The following TAF4B variants were observed in gnomAD, a reference collection of about 807,000 sequenced individuals.
TAF4B encodes TATA-box binding protein associated factor 4b.
In TAF4B, 38 loss-of-function variants were observed where a neutral mutation model predicts 86.4. That is an observed-to-expected ratio of 0.44 (90% CI 0.34 to 0.58). TAF4B has a LOEUF of 0.58. Ranked by LOEUF, TAF4B falls within the 20% of genes least tolerant of loss-of-function variation. The probability of loss-of-function intolerance (pLI) is 0.02; values close to 1 mark genes in which losing one functional copy is unlikely to be tolerated. For synonymous variants in TAF4B, 388 were observed against 391.2 expected (o/e 0.99, Z 0.10); for missense variants, 988 against 1,027.6 (o/e 0.96, Z 0.53).
chr18:26,305,532 C>T (rs1436943503), intron 9 of TAF4B, among the ~76,000 whole-genome samples: 2 of 152,270 alleles, frequency 1.3e-5, no homozygotes, highest in South Asian at 2.1e-4. Context: ...CTCAGCCTCC[C>T]GAGTAGCTGA....
chr18:26,306,697 C>CAT (rs1366674896), intron 9 of TAF4B, among the ~76,000 whole-genome samples: 1 of 152,128 alleles, frequency 6.6e-6, no homozygotes, highest in African/African-American at 2.4e-5. Context: ...TGGCTTTATG[C>CAT]ATATCTTTTC....
At chr18:26,388,292 T>C (rs963408055) in intron 14 of TAF4B, among the ~76,000 whole-genome samples, 1 of 152,256 alleles carries the variant, frequency 6.6e-6, no homozygotes, top group African/African-American at 2.4e-5. Context: ...GGTAAACATA[T>C]TCAGAAAACT....
intron 7 of TAF4B, among the ~76,000 whole-genome samples, chr18:26,291,520 A>G (rs1208585009): frequency 2.0e-5 from 3 of 152,046 alleles, no homozygotes; most frequent in Non-Finnish European, 4.4e-5. Flanking sequence ...CAGCCTGGCC[A>G]ACATAGTGAA....
Position 26,227,725 on chromosome 18 carries a change from C to T in TAF4B, c.343+449C>T, listed in dbSNP as rs974608667. ...CTGGAGTGCAGTGACACGATCATGG[C>T]TCACCGACGTCGAACTCCTGGGCCC... On this transcript the variant is annotated intron_variant, in intron 1 of 14. Transcript: ENST00000269142. Among the ~76,000 whole-genome samples, 3 of 152,322 alleles carry T rather than the reference C, an allele frequency of 2.0e-5. No individual in the cohort carries two copies. The East Asian group carries it at 5.8e-4, about 29-fold the overall frequency.
intron 10 of TAF4B, among the ~76,000 whole-genome samples, chr18:26,316,547 C>T (rs1400963306): frequency 2.0e-5 from 3 of 152,062 alleles, no homozygotes; most frequent in Non-Finnish European, 4.4e-5. Flanking sequence ...CCCACCACCA[C>T]ACCCAGCTAA....
At chr18:26,291,948 A>G (rs998891242) in intron 7 of TAF4B, among the ~76,000 whole-genome samples, 4 of 152,172 alleles carry the variant, frequency 2.6e-5, no homozygotes, top group Non-Finnish European at 5.9e-5. Context: ...GTTTTTATAC[A>G]TGCTTTAAAT....
intron 13 of TAF4B, among the ~76,000 whole-genome samples, chr18:26,339,814 T>C (rs1226860049): frequency 1.3e-5 from 2 of 152,262 alleles, no homozygotes; most frequent in African/African-American, 4.8e-5. Flanking sequence ...TGTCTGACTT[T>C]GCAGTTGAAA....
At chr18:26,243,953 T>C (rs913090979) in intron 1 of TAF4B, among the ~76,000 whole-genome samples, 2 of 152,194 alleles carry the variant, frequency 1.3e-5, no homozygotes, top group Non-Finnish European at 2.9e-5. Context: ...AAGCTTCGTC[T>C]CAGAGGGGCA....
At position 26,292,336 on chromosome 18, in the gene TAF4B, A is replaced by G. The variant is rs750491102; in HGVS notation, c.1681A>G (p.Thr561Ala). 8.7e-5 allele frequency: 140 copies of G among 1,614,176 alleles called. 1 individual carries two copies. The South Asian group carries it at 1.5e-3, about 17-fold the overall frequency. ...GACCATTCAGAAATGTGGACAGAAGACGATGCCAGTGAACACCATAATACC... is the reference window on the plus strand; with the variant it reads ...GACCATTCAGAAATGTGGACAGAAGGCGATGCCAGTGAACACCATAATACC... Reference protein sequence around the residue: ...TLTIQKCGQKTMPVNTIIPTS... With the variant: ...TLTIQKCGQKAMPVNTIIPTS... The change falls in exon 8 of 15, where the codon ACG becomes GCG. Residue 561 changes from threonine (T) to alanine (A), a missense_variant. Physicochemically the swap from Thr to Ala is moderately conservative, Grantham distance 58. Coordinates refer to ENST00000269142, the MANE Select transcript of TAF4B (RefSeq NM_005640.3).
At position 26,286,037 on chromosome 18, in the gene TAF4B, T is replaced by TG. The variant is rs761309947; in HGVS notation, c.1129dup (p.Glu377GlyfsTer77). On this transcript the variant is annotated frameshift_variant, in exon 7 of 15. Coordinates refer to ENST00000269142, the MANE Select transcript of TAF4B (RefSeq NM_005640.3). LOFTEE classifies it high-confidence loss of function. Reference sequence around the variant, plus strand: ...CAACTACAGTGTCCTCAAGCCAGTCTGAAAAGTCAATTATTGTTTCTGGAG... The same window carrying TG: ...CAACTACAGTGTCCTCAAGCCAGTCTGGAAAAGTCAATTATTGTTTCTGGAG... 6 of 1,614,122 alleles carry TG rather than the reference T, an allele frequency of 3.7e-6. No individual in the cohort carries two copies. The African/African-American group carries it at 8.0e-5, about 22-fold the overall frequency.
chr18:26,286,409 T>G lies in TAF4B; in HGVS notation c.1500T>G (p.Ile500Met). The G allele has an allele frequency of 6.2e-7, 1 of 1,614,212 alleles. No individual in the cohort carries two copies. The highest frequency in any genetic ancestry group is 1.1e-5 in the South Asian group (1 of 91,084). ...SAGTTSDKPV[I>M]GTPVQIKLAQ... ...GGACCACATCTGACAAGCCTGTTATTGGGACTCCAGTTCAAATCAAACTTG... is the reference window on the plus strand; with the variant it reads ...GGACCACATCTGACAAGCCTGTTATGGGGACTCCAGTTCAAATCAAACTTG... The change falls in exon 7 of 15, where the codon ATT (isoleucine) becomes ATG (methionine). Residue 500 changes from isoleucine (I) to methionine (M), a missense_variant. Physicochemically the swap from Ile to Met is conservative, Grantham distance 10 (BLOSUM62 1). Coordinates refer to ENST00000269142, the MANE Select transcript of TAF4B (RefSeq NM_005640.3).
At chr18:26,383,121 G>A (rs1978300137) in intron 14 of TAF4B, among the ~76,000 whole-genome samples, 1 of 152,188 alleles carries the variant, frequency 6.6e-6, no homozygotes, top group African/African-American at 2.4e-5. Context: ...TGAGACTAGG[G>A]AGAGAAACTT....
At chr18:26,335,371 C>T (rs1598808037) in intron 13 of TAF4B, 140 bp downstream of exon 13, 1 of 695,614 alleles carries the variant, frequency 1.4e-6, no homozygotes, top group Admixed American at 2.4e-5. Context: ...CTGCTAAAGG[C>T]AAGGGCAGTA....
chr18:26,374,171 G>A (rs1404981029), intron 14 of TAF4B, among the ~76,000 whole-genome samples: 1 of 152,052 alleles, frequency 6.6e-6, no homozygotes, highest in Non-Finnish European at 1.5e-5. Context: ...TGTTAATGGT[G>A]TTTTATATGT....
chr18:26,333,446 A>G (rs1051208353), intron 12 of TAF4B, among the ~76,000 whole-genome samples: 2 of 152,090 alleles, frequency 1.3e-5, no homozygotes, highest in Non-Finnish European at 2.9e-5. Context: ...GTGCAGTGGC[A>G]TGATAATAGC....
At chr18:26,293,180 A>G (rs2056616639) in intron 8 of TAF4B, among the ~76,000 whole-genome samples, 1 of 152,188 alleles carries the variant, frequency 6.6e-6, no homozygotes, top group Admixed American at 6.5e-5. Context: ...CCTTTTACCC[A>G]TGATATTTTT....
intron 1 of TAF4B, among the ~76,000 whole-genome samples, chr18:26,241,799 G>T (rs918897318): frequency 6.6e-6 from 1 of 152,090 alleles, no homozygotes; most frequent in African/African-American, 2.4e-5. Flanking sequence ...TGTTCTCATT[G>T]GTTTCAAAGA....
chr18:26,320,379 T>C (rs1330024750), intron 10 of TAF4B, among the ~76,000 whole-genome samples: 1 of 152,208 alleles, frequency 6.6e-6, no homozygotes, highest in Non-Finnish European at 1.5e-5. Context: ...CTTTTGAGTA[T>C]GTGGTCCAAA....
chr18:26,292,397 T>C lies in TAF4B; in HGVS notation c.1726+16T>C, dbSNP rs1296914095. 6.2e-7 allele frequency: 1 copy of C among 1,604,404 alleles called. No individual in the cohort carries two copies. The highest frequency in any genetic ancestry group is 8.5e-7 in the Non-Finnish European group (1 of 1,176,466). Reference sequence around the variant, plus strand: ...TTTCCTCCAGGTAGATGCTGGTCCATCTCAGTCCCATCATGCTGGGTTAGA... The same window carrying C: ...TTTCCTCCAGGTAGATGCTGGTCCACCTCAGTCCCATCATGCTGGGTTAGA... On this transcript the variant is annotated intron_variant, in intron 8 of 14. Coordinates refer to ENST00000269142, the MANE Select transcript of TAF4B (RefSeq NM_005640.3).
Sources: allele counts gnomAD v4.1 joint callset (sites outside exome capture counted in the v4.1 genomes callset), GRCh38; gene constraint gnomAD v4.1.1; transcripts MANE v1.5; gene names NCBI Gene and HGNC (gene_info 2026-07-23, HGNC 2026-07-21).